KSR2: variants seen among roughly 807,000 people sequenced by gnomAD.
The protein encoded by KSR2 is kinase suppressor of ras 2.
Under a neutral mutation model 107.8 loss-of-function variants are expected in KSR2, and 25 were observed. That is an observed-to-expected ratio of 0.23 (90% CI 0.17 to 0.32). The LOEUF (loss-of-function observed/expected upper bound fraction) is 0.32. KSR2 is among the 10% of genes least tolerant of loss of function. The pLI is 1.00. For synonymous variants in KSR2, 480 were observed against 507.0 expected (o/e 0.95, Z 0.71); for missense variants, 887 against 1,268.9 (o/e 0.70, Z 4.57).
chr12:117,939,194 G>A (rs936574504), intron 1 of KSR2, among the ~76,000 whole-genome samples: 13 of 152,098 alleles, frequency 8.5e-5, no homozygotes, highest in Non-Finnish European at 1.2e-4. Flanking sequence ...AGGAATTGTT[G>A]GTATGACAAT....
chr12:117,729,687 C>CCAT (rs1484349992), intron 4 of KSR2, among the ~76,000 whole-genome samples: 37 of 151,856 alleles, frequency 2.4e-4, no homozygotes, highest in South Asian at 1.7e-3. Flanking sequence ...CATCCATCCA[C>CCAT]CCATCCACCC....
rs141854300 is a variant in KSR2 at position 117,850,505 on chromosome 12, C to A, written c.472+4923G>T. On this transcript the variant is annotated intron_variant, in intron 3 of 19. Coordinates refer to ENST00000339824, the MANE Select transcript of KSR2 (RefSeq NM_173598.6). Reference sequence around the variant, plus strand: ...AGGGAAAATGTGAATGGTAGGACTTCAAGTAGGAGCCAAACCCTGGGATGT... The same window carrying A: ...AGGGAAAATGTGAATGGTAGGACTTAAAGTAGGAGCCAAACCCTGGGATGT... Among the ~76,000 whole-genome samples the A allele has an allele frequency of 2.0e-5, 3 of 152,218 alleles. No homozygotes were observed. The East Asian group carries it at 5.8e-4, about 29-fold the overall frequency.
chr12:117,678,313 C>T (rs550415906), intron 4 of KSR2, among the ~76,000 whole-genome samples: 33 of 152,126 alleles, frequency 2.2e-4, no homozygotes, highest in African/African-American at 7.7e-4. Context: ...CTACATGAGG[C>T]TCCATCCCAC....
intron 4 of KSR2, among the ~76,000 whole-genome samples, chr12:117,759,879 G>T (rs1035553372): frequency 6.6e-6 from 1 of 152,206 alleles, no homozygotes; most frequent in African/African-American, 2.4e-5. Context: ...AGGCCAAGGC[G>T]GGCAGATCAT....
rs1890592600 is a variant in KSR2 at position 117,795,502 on chromosome 12, AC to A, written c.473-33979del. On this transcript the variant is annotated intron_variant, in intron 3 of 19. Coordinates refer to ENST00000339824, the MANE Select transcript of KSR2 (RefSeq NM_173598.6). ...AGGACACCAAGACCCTCTGGAAAGG[AC>A]CCAGAATCTTCACAGATGTCCCCAG... 2.0e-5 allele frequency among the ~76,000 whole-genome samples: 3 copies of A among 152,298 alleles called. No homozygotes were observed. The South Asian group carries it at 6.2e-4, about 32-fold the overall frequency.
At chr12:117,866,316 G>A (rs368119830) in intron 1 of KSR2, among the ~76,000 whole-genome samples, 2 of 152,138 alleles carry the variant, frequency 1.3e-5, no homozygotes, top group East Asian at 3.9e-4. Context: ...GCCTCCCCAA[G>A]TGCTGGGATT....
intron 14 of KSR2, among the ~76,000 whole-genome samples, chr12:117,502,517 A>ACCAT (rs1873442406): frequency 3.3e-5 from 5 of 152,128 alleles, no homozygotes; most frequent in Admixed American, 3.3e-4. Context: ...GTAGTGGGGA[A>ACCAT]TGACTGGTAA....
At chr12:117,505,941 C>T (rs1413584795) in intron 14 of KSR2, among the ~76,000 whole-genome samples, 1 of 152,198 alleles carries the variant, frequency 6.6e-6, no homozygotes, top group Non-Finnish European at 1.5e-5. Flanking sequence ...ACCTCTGTTT[C>T]AACACTTCCT....
chr12:117,734,926 G>A lies in KSR2; in HGVS notation c.986+26085C>T, dbSNP rs1170239892. ...ATTTAAGGATGGTCTTGACTGTTTT[G>A]TGGTTACTTTGTGTCTATCATGCCG... On this transcript the variant is annotated intron_variant, in intron 4 of 19. Coordinates refer to ENST00000339824, the MANE Select transcript of KSR2 (RefSeq NM_173598.6). Among the ~76,000 whole-genome samples, 5 of 152,200 alleles carry A rather than the reference G, an allele frequency of 3.3e-5. No individual in the cohort carries two copies. The East Asian group carries it at 7.7e-4, about 23-fold the overall frequency.
chr12:117,638,957 C>T (rs1237820700), intron 5 of KSR2, among the ~76,000 whole-genome samples: 3 of 152,102 alleles, frequency 2.0e-5, no homozygotes, highest in African/African-American at 4.8e-5. Context: ...AAAGTACGAT[C>T]GATAAAGACT....
intron 3 of KSR2, among the ~76,000 whole-genome samples, chr12:117,796,097 T>C (rs1207153363): frequency 2.8e-5 from 2 of 71,548 alleles, no homozygotes; most frequent in Non-Finnish European, 6.4e-5. Flanking sequence ...TAGCTAATTT[T>C]TTAATTTTTT....
chr12:117,964,227 C>T (rs557251792), intron 1 of KSR2, among the ~76,000 whole-genome samples: 5 of 152,086 alleles, frequency 3.3e-5, no homozygotes, highest in African/African-American at 1.2e-4. Context: ...GCTGAGATTG[C>T]GCCACTGCAC....
chr12:117,858,159 AAAC>A lies in KSR2; in HGVS notation c.321+2129_321+2131del, dbSNP rs754731832. Among the ~76,000 whole-genome samples the A allele has an allele frequency of 3.7e-4, 57 of 152,288 alleles. No homozygotes were observed. In the Middle Eastern group the frequency reaches 0.01, roughly 27 times the overall value. On this transcript the variant is annotated intron_variant, in intron 2 of 19. Coordinates refer to ENST00000339824, the MANE Select transcript of KSR2 (RefSeq NM_173598.6). ...TAAATGTCCTGACATCATATTAACC[AAAC>A]AACAACAACATGTCTGCATATCAGA...
intron 3 of KSR2, among the ~76,000 whole-genome samples, chr12:117,788,067 G>C (rs565164031): frequency 3.9e-5 from 6 of 152,366 alleles, no homozygotes; most frequent in African/African-American, 1.4e-4. Flanking sequence ...AGAATGAACA[G>C]CTGTCTTCCT....
At chr12:117,817,990 A>T (rs1393414020) in intron 3 of KSR2, among the ~76,000 whole-genome samples, 2 of 152,128 alleles carry the variant, frequency 1.3e-5, no homozygotes, top group Non-Finnish European at 2.9e-5. Context: ...AATCCCAGCT[A>T]CTTGGGAGAC....
intron 12 of KSR2, among the ~76,000 whole-genome samples, chr12:117,527,374 T>A (rs1875270179): frequency 6.8e-6 from 1 of 146,680 alleles, no homozygotes. Context: ...CACAACACAG[T>A]GCGCAAGGAC....
chr12:117,646,826 C>T (rs1883669977), intron 5 of KSR2, among the ~76,000 whole-genome samples: 1 of 152,158 alleles, frequency 6.6e-6, no homozygotes, highest in African/African-American at 2.4e-5. Context: ...TTCCCTCCCT[C>T]CCGCAGTCCC....
At chr12:117,724,313 A>C (rs1887325651) in intron 4 of KSR2, among the ~76,000 whole-genome samples, 1 of 19,602 alleles carries the variant, frequency 5.1e-5, no homozygotes, top group Admixed American at 8.1e-4. Flanking sequence ...ACCCTGTCTC[A>C]AAAAAAAAAA....
intron 1 of KSR2, among the ~76,000 whole-genome samples, chr12:117,942,668 T>G (rs1289578312): frequency 3.1e-5 from 3 of 97,754 alleles, no homozygotes; most frequent in Non-Finnish European, 6.2e-5. Context: ...TTTTTTTGTG[T>G]TTTTTTTTTT....
Sources: allele counts gnomAD v4.1 joint callset (sites outside exome capture counted in the v4.1 genomes callset), GRCh38; gene constraint gnomAD v4.1.1; transcripts MANE v1.5; gene names NCBI Gene and HGNC (gene_info 2026-07-23, HGNC 2026-07-21).